ITGAE: variants seen among roughly 807,000 people sequenced by gnomAD.
ITGAE encodes the protein integrin subunit alpha E.
A neutral mutation model predicts 136.5 loss-of-function variants in ITGAE; 99 were observed. The ratio of observed to expected loss-of-function variants is 0.73; its 90% CI spans 0.62 to 0.86. The LOEUF is 0.86. Ranked by LOEUF, ITGAE falls within the 40% of genes least tolerant of loss-of-function variation. The probability of loss-of-function intolerance (pLI) is 0.00; values close to 1 mark genes in which losing one functional copy is unlikely to be tolerated. For missense variants in ITGAE, 1,447 were observed against 1,515.3 expected (o/e 0.95, Z 0.75); for synonymous variants, 613 against 591.8 (o/e 1.04, Z -0.52).
chr17:3,725,635 G>T, intron 26 of ITGAE: 1 of 1,608,002 alleles, frequency 6.2e-7, no homozygotes, highest in Non-Finnish European at 8.5e-7. Context: ...TGTGTCCAGG[G>T]ATCTTACCCT....
At chr17:3,758,759 C>T (rs2052089499) in intron 8 of ITGAE, among the ~76,000 whole-genome samples, 1 of 151,294 alleles carries the variant, frequency 6.6e-6, no homozygotes, top group Non-Finnish European at 1.5e-5. Flanking sequence ...GCCTATTTTT[C>T]TCATTTTTAA....
intron 26 of ITGAE, among the ~76,000 whole-genome samples, chr17:3,727,187 G>A (rs2051233146): frequency 6.6e-6 from 1 of 152,104 alleles, no homozygotes; most frequent in Non-Finnish European, 1.5e-5. Context: ...GGCTAGCTTT[G>A]GGAACCAGAC....
At chr17:3,767,685 G>A (rs1272586092) in intron 2 of ITGAE, among the ~76,000 whole-genome samples, 4 of 152,158 alleles carry the variant, frequency 2.6e-5, no homozygotes, top group Non-Finnish European at 4.4e-5. Flanking sequence ...GTGCAGTAGT[G>A]TGATCACAGC....
intron 28 of ITGAE, 99 bp downstream of exon 28, chr17:3,723,189 G>C (rs1408644945): frequency 1.2e-6 from 1 of 855,204 alleles, no homozygotes; most frequent in Non-Finnish European, 2.0e-6. Flanking sequence ...GATCTATTTT[G>C]GACATGGACA....
Position 3,777,528 on chromosome 17 carries a change from G to A in ITGAE, c.155+12C>T, listed in dbSNP as rs574590981. ...TCAGTCTGAAGGCCTCTTGCCCACC[G>A]GCCCTACTCACCAGGTCTGGTTGGT... On this transcript the variant is annotated intron_variant, in intron 2 of 30. Transcript: ENST00000263087. 45 of 1,601,292 alleles carry A rather than the reference G, an allele frequency of 2.8e-5. No individual in the cohort carries two copies. Among genetic ancestry groups the A allele is most frequent in the African/African-American group, 6.7e-5 (5 of 74,496 alleles).
At chr17:3,729,200 C>T (rs1209351189) in intron 24 of ITGAE, among the ~76,000 whole-genome samples, 1 of 152,174 alleles carries the variant, frequency 6.6e-6, no homozygotes, top group African/African-American at 2.4e-5. Context: ...ACTTCCCAGT[C>T]CCACAGCTGC....
At chr17:3,768,911 G>GC (rs2143202411) in intron 2 of ITGAE, among the ~76,000 whole-genome samples, 1 of 152,284 alleles carries the variant, frequency 6.6e-6, no homozygotes, top group South Asian at 2.1e-4. Context: ...AACAGCCCAG[G>GC]CAACAGCTGA....
Position 3,723,936 on chromosome 17 carries a change from A to G in ITGAE, c.3085-192T>C, listed in dbSNP as rs756698026. On this transcript the variant is annotated intron_variant, in intron 26 of 30. Transcript: ENST00000263087. ...TTGAACCTCTTGGCGGGTGCCGGCC[A>G]TGGCGGCTTCGCTCCCGGGACCTGG... is the stretch of plus-strand genomic sequence containing the variant. 18 of 1,549,710 alleles carry G rather than the reference A, an allele frequency of 1.2e-5. 1 individual carries two copies. The highest frequency in any genetic ancestry group is 7.8e-5 in the Admixed American group (4 of 51,180).
intron 28 of ITGAE, among the ~76,000 whole-genome samples, chr17:3,720,888 T>C (rs192583935): frequency 5.3e-5 from 8 of 151,472 alleles, no homozygotes; most frequent in African/African-American, 1.9e-4. Context: ...TGGCCTTTTC[T>C]TCAACTTCTT....
chr17:3,721,116 A>ATGG (rs1322259375), intron 28 of ITGAE, among the ~76,000 whole-genome samples: 1 of 151,646 alleles, frequency 6.6e-6, no homozygotes. Flanking sequence ...TTTTGTAGAG[A>ATGG]TGGGGTTTTA....
Position 3,751,838 on chromosome 17 carries a change from G to A in ITGAE, c.1705C>T (p.His569Tyr), listed in dbSNP as rs1039021573. 6.2e-7 allele frequency: 1 copy of A among 1,614,082 alleles called. No individual in the cohort carries two copies. Among genetic ancestry groups the A allele is most frequent in the African/African-American group, 1.3e-5 (1 of 75,034 alleles). Reference protein sequence around the residue: ...SFSLARILSGHPGFTNARFGF... With the variant: ...SFSLARILSGYPGFTNARFGF... ...AAGCGGGCATTGGTGAACCCGGGGT[G>A]CCCACTCAGTATGCGTGCCAAGGAG... The change falls in exon 15 of 31, where the codon CAC becomes TAC. Residue 569 changes from histidine (H) to tyrosine (Y), a missense_variant. Physicochemically the swap from His to Tyr is moderately conservative, Grantham distance 83. This residue lies in a region of ITGAE where 1,031 missense variants were observed against 1,011.4 expected (regional missense o/e 1.02). Transcript: ENST00000263087.
intron 8 of ITGAE, among the ~76,000 whole-genome samples, chr17:3,758,145 G>A (rs1415437418): frequency 6.6e-6 from 1 of 152,176 alleles, no homozygotes; most frequent in African/African-American, 2.4e-5. Flanking sequence ...TAAAACGATA[G>A]ATAATACTCA....
At chr17:3,768,260 G>T (rs1200983860) in intron 2 of ITGAE, among the ~76,000 whole-genome samples, 1 of 152,062 alleles carries the variant, frequency 6.6e-6, no homozygotes, top group Non-Finnish European at 1.5e-5. Flanking sequence ...AAGTAACTGG[G>T]ACCACAGATG....
At chr17:3,767,060 C>A (rs776187927) in intron 2 of ITGAE, among the ~76,000 whole-genome samples, 1 of 151,706 alleles carries the variant, frequency 6.6e-6, no homozygotes, top group African/African-American at 2.4e-5. Flanking sequence ...TCCAATCCAC[C>A]TGCCAACCCT....
intron 1 of ITGAE, chr17:3,784,338 A>T (rs1219541612): frequency 1.2e-5 from 4 of 345,412 alleles, no homozygotes; most frequent in African/African-American, 9.3e-5. Context: ...TATGAACAAC[A>T]TAATTAGCAA....
At chr17:3,796,535 C>T (rs955671869) in intron 1 of ITGAE, among the ~76,000 whole-genome samples, 10 of 152,168 alleles carry the variant, frequency 6.6e-5, no homozygotes, top group Non-Finnish European at 1.2e-4. Context: ...GCAGGAGGCT[C>T]AGCACGTGGA....
At chr17:3,734,346 T>G (rs1343760143) in intron 21 of ITGAE, among the ~76,000 whole-genome samples, 1 of 152,234 alleles carries the variant, frequency 6.6e-6, no homozygotes, top group African/African-American at 2.4e-5. Context: ...GTGCTGGGAT[T>G]ACAGGTGTGA....
At chr17:3,739,487 CTGGCTGTGAAGAACGCTGGG>C in intron 20 of ITGAE, among the ~76,000 whole-genome samples, 1 of 152,278 alleles carries the variant, frequency 6.6e-6, no homozygotes, top group South Asian at 2.1e-4. Context: ...AGAGGTCAGC[CTGGCTGTGAAGAACGCTGGG>C]TTCTGAATAT....
intron 1 of ITGAE, among the ~76,000 whole-genome samples, chr17:3,789,251 A>T (rs1426284598): frequency 6.6e-6 from 1 of 152,140 alleles, no homozygotes; most frequent in African/African-American, 2.4e-5. Context: ...TCTCCAAAAA[A>T]AAGAAACGAA....
Sources: gnomAD v4.1 joint callset for allele counts (sites outside exome capture counted in the v4.1 genomes callset) on GRCh38, gnomAD v4.1.1 for gene constraint, gnomAD v4.1.1 regional missense constraint, MANE v1.5 for transcripts, NCBI Gene and HGNC (gene_info 2026-07-23, HGNC 2026-07-21) for gene names.